Variants in ATL2 observed in about 807,000 individuals in gnomAD.
The protein encoded by ATL2 is atlastin-2.
In ATL2, 31 loss-of-function variants were observed where a neutral mutation model predicts 73.9. The observed-to-expected ratio is 0.42, with a 90% confidence interval of 0.32 to 0.57. The LOEUF (loss-of-function observed/expected upper bound fraction) is 0.57. Ranked by LOEUF, ATL2 falls within the 20% of genes least tolerant of loss-of-function variation. The pLI, the probability that ATL2 is intolerant of heterozygous loss-of-function variation, is 0.14. For missense variants in ATL2, 738 were observed against 702.6 expected, an observed-to-expected ratio of 1.05 and a Z score of -0.57; for synonymous variants, 291 against 237.5, an observed-to-expected ratio of 1.23 and a Z score of -2.07.
chr2:38,376,905 C>G (rs1051526927), intron 1 of ATL2, among the ~76,000 whole-genome samples: 2 of 150,774 alleles, frequency 1.3e-5, no homozygotes, highest in Middle Eastern at 3.4e-3. Context: ...GACGCGCGCG[C>G]CACTGGTTCT....
At chr2:38,330,216 T>TAAA (rs57775676) in intron 2 of ATL2, among the ~76,000 whole-genome samples, 1 of 122,590 alleles carries the variant, frequency 8.2e-6, no homozygotes, top group Non-Finnish European at 1.7e-5. Context: ...ATTCAGGATT[T>TAAA]AAAAAAAAAA....
At chr2:38,327,576 G>C (rs1298488709) in intron 2 of ATL2, among the ~76,000 whole-genome samples, 1 of 137,262 alleles carries the variant, frequency 7.3e-6, no homozygotes, top group Non-Finnish European at 1.6e-5. Flanking sequence ...ACAATTATAA[G>C]CATGGCAGCT....
At position 38,324,067 on chromosome 2, in the gene ATL2, G is replaced by T. The variant is rs552366559; in HGVS notation, c.364-5048C>A. Among the ~76,000 whole-genome samples the T allele has an allele frequency of 2.2e-4, 33 of 152,288 alleles. No individual in the cohort carries two copies. In the East Asian group the frequency reaches 5.4e-3, roughly 25 times the overall value. ...GAGGCGGGCGGATCACCTGAGGCTG[G>T]GAGTTTGAGACCAGCCTGACCAACA... On this transcript the variant is annotated intron_variant, in intron 2 of 12. Coordinates refer to ENST00000378954, the MANE Select transcript of ATL2 (RefSeq NM_001135673.4).
intron 2 of ATL2, among the ~76,000 whole-genome samples, chr2:38,340,569 C>T (rs908238273): frequency 2.0e-5 from 3 of 150,528 alleles, no homozygotes; most frequent in Non-Finnish European, 4.4e-5. Context: ...TGCATACTTA[C>T]ATACATTGAC....
In ATL2 at chr2:38,295,792, C is replaced by T. The variant is rs1666859416; in HGVS notation, c.*202G>A. ...GCATGATTAACCAATGCTCCTCAGTCCATCTGCATGTCTTAGGAGCCATTA... is the reference window on the plus strand; with the variant it reads ...GCATGATTAACCAATGCTCCTCAGTTCATCTGCATGTCTTAGGAGCCATTA... On this transcript the variant is annotated 3_prime_UTR_variant, in exon 13 of 13. Coordinates refer to ENST00000378954, the MANE Select transcript of ATL2 (RefSeq NM_001135673.4). 1 of 459,246 alleles carries T rather than the reference C, an allele frequency of 2.2e-6. No individual in the cohort carries two copies. The highest frequency in any genetic ancestry group is 3.9e-6 in the Non-Finnish European group (1 of 257,992). 28.4% of individuals were successfully genotyped at this position (459,246 alleles called of 1,614,324 possible). A position where few individuals can be genotyped will look rare whatever the true frequency, so the allele number is the denominator to read the frequency against.
At chr2:38,329,125 T>TAAA (rs56248819) in intron 2 of ATL2, among the ~76,000 whole-genome samples, 2 of 113,898 alleles carry the variant, frequency 1.8e-5, no homozygotes, top group East Asian at 2.5e-4. Flanking sequence ...ATCATCTATT[T>TAAA]AAAAAAAAAA....
At chr2:38,366,189 A>G (rs1193006961) in intron 1 of ATL2, among the ~76,000 whole-genome samples, 2 of 152,156 alleles carry the variant, frequency 1.3e-5, no homozygotes, top group Non-Finnish European at 2.9e-5. Context: ...GGTACATGAC[A>G]GGATTCCTTG....
chr2:38,347,063 G>A lies in ATL2; in HGVS notation c.119-3551C>T, dbSNP rs777824362. 5.3e-4 allele frequency among the ~76,000 whole-genome samples: 80 copies of A among 152,132 alleles called. 1 individual carries two copies. The highest frequency in any genetic ancestry group is 5.2e-4 in the Admixed American group (8 of 15,264). ...CTCCCCAAATTTTAATCTATCACTT[G>A]AATATTTATGTAAGTACTTATTTAT... On this transcript the variant is annotated intron_variant, in intron 1 of 12. Transcript: ENST00000378954.
At chr2:38,319,127 A>G in intron 2 of ATL2, 108 bp from the exon 3 acceptor site, 2 of 1,166,950 alleles carry the variant, frequency 1.7e-6, no homozygotes, top group Non-Finnish European at 2.4e-6. Flanking sequence ...ACCCGGAAAG[A>G]CAAAAAAAAC....
intron 1 of ATL2, among the ~76,000 whole-genome samples, chr2:38,356,693 C>A (rs1398101587): frequency 6.6e-6 from 1 of 152,178 alleles, no homozygotes; most frequent in East Asian, 1.9e-4. Context: ...TCATTTTCCA[C>A]TCATATTTGT....
In ATL2 at chr2:38,309,451, G is replaced by A. The variant is rs759722159; in HGVS notation, c.999C>T (p.Ala333=). 2.7e-5 allele frequency: 44 copies of A among 1,612,462 alleles called. No individual in the cohort carries two copies. The highest frequency in any genetic ancestry group is 3.6e-5 in the Non-Finnish European group (43 of 1,179,632). Reference sequence around the variant, plus strand: ...TCTCTTTTTCTACCAAATTTTCAGGGGCAAGCAGCAATGGAACCAGATTTC... The same window carrying A: ...TCTCTTTTTCTACCAAATTTTCAGGAGCAAGCAGCAATGGAACCAGATTTC... The part of the protein sequence containing the change: ...ELRNLVPLLL[A]PENLVEKEIS... Residue 333 remains alanine (A), a synonymous_variant, in exon 9 of 13, where the codon GCC becomes GCT. Coordinates refer to ENST00000378954, the MANE Select transcript of ATL2 (RefSeq NM_001135673.4).
Position 38,300,253 on chromosome 2 carries a change from T to TC in ATL2, c.1128+18dup, listed in dbSNP as rs771430470. The TC allele has an allele frequency of 1.3e-6, 2 of 1,566,662 alleles. No homozygotes were observed. Among genetic ancestry groups the TC allele is most frequent in the South Asian group, 2.2e-5 (2 of 89,838 alleles). ...TAAATAAGTATATGTACAACACATA[T>TC]CACTCTCTCTCTCTCTACCTGAAGC... On this transcript the variant is annotated intron_variant, in intron 10 of 12. Coordinates refer to ENST00000378954, the MANE Select transcript of ATL2 (RefSeq NM_001135673.4).
At chr2:38,306,038 A>T (rs1667431018) in intron 9 of ATL2, among the ~76,000 whole-genome samples, 1 of 152,210 alleles carries the variant, frequency 6.6e-6, no homozygotes, top group African/African-American at 2.4e-5. Context: ...CCAAATAAAT[A>T]AAATCAGAGA....
rs532919076 is a variant in ATL2, at chr2:38,346,200, C to T, written c.119-2688G>A. On this transcript the variant is annotated intron_variant, in intron 1 of 12. Coordinates refer to ENST00000378954, the MANE Select transcript of ATL2 (RefSeq NM_001135673.4). ...CCACCTTCTTAATTTGTCTTCATTT[C>T]TGAATCTCTATTGATAATATTCCTG... Among the ~76,000 whole-genome samples, 37 of 152,296 alleles carry T rather than the reference C, an allele frequency of 2.4e-4. 1 individual carries two copies. In the South Asian group the frequency reaches 7.5e-3, roughly 31 times the overall value.
At chr2:38,347,695 G>C (rs1290006754) in intron 1 of ATL2, among the ~76,000 whole-genome samples, 2 of 151,662 alleles carry the variant, frequency 1.3e-5, no homozygotes, top group Non-Finnish European at 2.9e-5. Flanking sequence ...TAGCCTAGCA[G>C]GTTCCTTGTA....
intron 1 of ATL2, among the ~76,000 whole-genome samples, chr2:38,373,646 T>A (rs1671807256): frequency 6.6e-6 from 1 of 152,204 alleles, no homozygotes; most frequent in Non-Finnish European, 1.5e-5. Context: ...CACACATTTT[T>A]AAAAAACTGT....
chr2:38,301,311 A>G (rs1343582108), intron 9 of ATL2, among the ~76,000 whole-genome samples: 1 of 152,196 alleles, frequency 6.6e-6, no homozygotes, highest in African/African-American at 2.4e-5. Flanking sequence ...ATAACTGGGA[A>G]GGAGGCAGAG....
intron 1 of ATL2, among the ~76,000 whole-genome samples, chr2:38,349,756 G>C (rs1325836952): frequency 6.6e-6 from 1 of 151,860 alleles, no homozygotes; most frequent in Non-Finnish European, 1.5e-5. Context: ...TATATTAGTT[G>C]GCCAGTCACT....
chr2:38,340,985 G>A (rs569582022), intron 2 of ATL2, among the ~76,000 whole-genome samples: 1 of 152,288 alleles, frequency 6.6e-6, no homozygotes, highest in African/African-American at 2.4e-5. Context: ...TGCAGAGATT[G>A]CAAATACACG....
Sources: allele counts gnomAD v4.1 joint callset (sites outside exome capture counted in the v4.1 genomes callset), GRCh38; gene constraint gnomAD v4.1.1; transcripts MANE v1.5; gene names NCBI Gene and HGNC (gene_info 2026-07-23, HGNC 2026-07-21).